Variants in ELAVL2 observed in about 807,000 individuals in gnomAD.
ELAVL2 encodes ELAV-like protein 2.
Under a neutral mutation model 34.6 loss-of-function variants are expected in ELAVL2, and 4 were observed. The ratio of observed to expected loss-of-function variants is 0.12; its 90% CI spans 0.06 to 0.26. The LOEUF is 0.26. Ranked by LOEUF, ELAVL2 falls within the 10% of genes least tolerant of loss-of-function variation. The pLI is 1.00. For synonymous variants in ELAVL2, 193 were observed against 154.8 expected, an observed-to-expected ratio of 1.25 and a Z score of -1.83; for missense variants, 432 against 442.8, an observed-to-expected ratio of 0.98 and a Z score of 0.22.
At chr9:23,750,047 ACT>A (rs1056980125) in intron 2 of ELAVL2, among the ~76,000 whole-genome samples, 4 of 149,276 alleles carry the variant, frequency 2.7e-5, no homozygotes, top group Admixed American at 1.3e-4. Context: ...AAAAAAAAAG[ACT>A]CTTTAAAAGT....
At chr9:23,797,428 T>C (rs1053120310) in intron 1 of ELAVL2, among the ~76,000 whole-genome samples, 1 of 152,220 alleles carries the variant, frequency 6.6e-6, no homozygotes, top group Non-Finnish European at 1.5e-5. Context: ...CTTCATGTTA[T>C]CTGGTAAATC....
At chr9:23,849,600 AG>A in the ELAVL2 span, 1 of 152,326 alleles carries the variant, frequency 6.6e-6, no homozygotes, top group Non-Finnish European at 1.5e-5. Context: ...ACAATAACGT[AG>A]TTCCCTTCGC....
chr9:23,796,570 G>A (rs2060953005), intron 1 of ELAVL2, among the ~76,000 whole-genome samples: 1 of 152,220 alleles, frequency 6.6e-6, no homozygotes, highest in Non-Finnish European at 1.5e-5. Flanking sequence ...CTGCTGCTTA[G>A]TCATTATGAT....
At position 23,704,839 on chromosome 9, in the gene ELAVL2, G is replaced by A. The variant is rs1045502459; in HGVS notation, c.487+79C>T. Reference sequence around the variant, plus strand: ...TTTGATATGTTCTAGAAGCAAGACTGCTACATGGAAAGACAGAATATTTCA... The same window carrying A: ...TTTGATATGTTCTAGAAGCAAGACTACTACATGGAAAGACAGAATATTTCA... On this transcript the variant is annotated intron_variant, in intron 4 of 6. Coordinates refer to ENST00000397312, the MANE Select transcript of ELAVL2 (RefSeq NM_004432.5). 30 of 1,560,730 alleles carry A rather than the reference G, an allele frequency of 1.9e-5. No individual in the cohort carries two copies. The African/African-American group carries it at 2.7e-4, about 14-fold the overall frequency.
At chr9:23,729,195 C>G (rs2134423966) in intron 3 of ELAVL2, among the ~76,000 whole-genome samples, 2 of 152,212 alleles carry the variant, frequency 1.3e-5, no homozygotes, top group Middle Eastern at 3.4e-3. Context: ...AACTGACACA[C>G]TAGAATGAAA....
chr9:23,718,378 G>A (rs1028443382), intron 3 of ELAVL2, among the ~76,000 whole-genome samples: 4 of 152,138 alleles, frequency 2.6e-5, no homozygotes, highest in East Asian at 1.9e-4. Flanking sequence ...GGGATCTAAT[G>A]TATGTATACA....
intron 1 of ELAVL2, among the ~76,000 whole-genome samples, chr9:23,772,410 T>C (rs1036079838): frequency 1.3e-4 from 20 of 151,878 alleles, no homozygotes; most frequent in African/African-American, 4.6e-4. Flanking sequence ...AACTCACAAA[T>C]GTTATAAAGG....
chr9:23,701,818 A>G (rs1199814769), intron 4 of ELAVL2, among the ~76,000 whole-genome samples: 2 of 152,188 alleles, frequency 1.3e-5, no homozygotes, highest in Non-Finnish European at 2.9e-5. Flanking sequence ...AATTCGTGTC[A>G]CTTACATAAT....
intron 2 of ELAVL2, among the ~76,000 whole-genome samples, chr9:23,747,025 C>G (rs2050672038): frequency 1.3e-5 from 2 of 152,104 alleles, no homozygotes. Context: ...TCCCTTGAAC[C>G]ATGAGGTATA....
intron 1 of ELAVL2, among the ~76,000 whole-genome samples, chr9:23,776,232 C>G (rs2058170346): frequency 1.3e-5 from 2 of 152,162 alleles, no homozygotes; most frequent in Admixed American, 1.3e-4. Flanking sequence ...TCTCTTTCCG[C>G]ATATAGCTAC....
At chr9:23,697,939 T>TG (rs1357834957) in intron 5 of ELAVL2, among the ~76,000 whole-genome samples, 1 of 151,868 alleles carries the variant, frequency 6.6e-6, no homozygotes, top group Non-Finnish European at 1.5e-5. Context: ...ATCTTCTTAC[T>TG]GCCTTACTGC....
intron 3 of ELAVL2, among the ~76,000 whole-genome samples, chr9:23,712,757 A>T (rs1338024707): frequency 6.6e-6 from 1 of 152,208 alleles, no homozygotes. Context: ...TTAGTGCAAC[A>T]TCATTAAATA....
chr9:23,712,150 G>T (rs2041137377), intron 3 of ELAVL2, among the ~76,000 whole-genome samples: 1 of 152,118 alleles, frequency 6.6e-6, no homozygotes, highest in South Asian at 2.1e-4. Flanking sequence ...CAATTTCTTT[G>T]TATCTGGGAA....
At chr9:23,771,145 G>A (rs1305747081) in intron 1 of ELAVL2, among the ~76,000 whole-genome samples, 1 of 152,222 alleles carries the variant, frequency 6.6e-6, no homozygotes, top group Non-Finnish European at 1.5e-5. Flanking sequence ...AGCAATTCAG[G>A]TGCAGGATGA....
intron 2 of ELAVL2, among the ~76,000 whole-genome samples, chr9:23,732,306 A>G (rs2046771423): frequency 6.6e-6 from 1 of 152,206 alleles, no homozygotes; most frequent in African/African-American, 2.4e-5. Flanking sequence ...CATAAACGAA[A>G]AGAGAAGGCT....
chr9:23,724,341 A>T (rs1354437080), intron 3 of ELAVL2, among the ~76,000 whole-genome samples: 1 of 152,142 alleles, frequency 6.6e-6, no homozygotes, highest in African/African-American at 2.4e-5. Context: ...AAGGAAATCC[A>T]TTGGAAGAAT....
intron 3 of ELAVL2, among the ~76,000 whole-genome samples, chr9:23,720,151 TC>T (rs1223911561): frequency 6.7e-6 from 1 of 149,316 alleles, no homozygotes; most frequent in East Asian, 2.0e-4. Context: ...AAAACTTAAC[TC>T]CCAATCTCTA....
At chr9:23,731,173 G>C in intron 2 of ELAVL2, 48 bp from the exon 3 acceptor site, 2 of 1,519,866 alleles carry the variant, frequency 1.3e-6, no homozygotes, top group South Asian at 1.3e-5. Context: ...CTATACTGTT[G>C]ACAGAGATCA....
At chr9:23,777,101 A>G (rs1020371818) in intron 1 of ELAVL2, among the ~76,000 whole-genome samples, 2 of 152,218 alleles carry the variant, frequency 1.3e-5, no homozygotes, top group African/African-American at 4.8e-5. Context: ...TAAATTGCTT[A>G]GCAGTAAATA....
Sources: gnomAD v4.1 joint callset for allele counts (sites outside exome capture counted in the v4.1 genomes callset) on GRCh38, gnomAD v4.1.1 for gene constraint, MANE v1.5 for transcripts, NCBI Gene and HGNC (gene_info 2026-07-23, HGNC 2026-07-21) for gene names.